The following PLPPR5 variants were observed in gnomAD, a reference collection of about 807,000 sequenced individuals.
PLPPR5 encodes phospholipid phosphatase-related protein type 5.
A neutral mutation model predicts 33.9 loss-of-function variants in PLPPR5; 16 were observed. The observed-to-expected ratio is 0.47, with a 90% confidence interval of 0.32 to 0.72. The LOEUF (loss-of-function observed/expected upper bound fraction) is 0.72. Among genes scored for constraint, PLPPR5 ranks in the 30% least tolerant of loss-of-function variants. PLPPR5 has a pLI of 0.03. For synonymous variants in PLPPR5, 163 were observed against 150.3 expected (o/e 1.08, Z -0.62); for missense variants, 301 against 406.7 (o/e 0.74, Z 2.23).
At chr1:98,947,889 C>T (rs943140542) in intron 3 of PLPPR5, among the ~76,000 whole-genome samples, 2 of 152,186 alleles carry the variant, frequency 1.3e-5, no homozygotes, top group African/African-American at 4.8e-5. Context: ...ATAGCAGATG[C>T]TTCATCAAAT....
chr1:98,974,369 G>C (rs955326575), intron 1 of PLPPR5, among the ~76,000 whole-genome samples: 2 of 152,044 alleles, frequency 1.3e-5, no homozygotes, highest in African/African-American at 4.8e-5. Flanking sequence ...TTTTCACATT[G>C]CCTTTGCCTT....
chr1:98,998,375 T>G (rs1289952546), intron 1 of PLPPR5, among the ~76,000 whole-genome samples: 3 of 152,160 alleles, frequency 2.0e-5, no homozygotes, highest in Non-Finnish European at 1.5e-5. Flanking sequence ...TGTGTGTTAC[T>G]GAGATGAGAC....
intron 1 of PLPPR5, among the ~76,000 whole-genome samples, chr1:98,989,179 T>C (rs1652364788): frequency 6.6e-6 from 1 of 152,092 alleles, no homozygotes; most frequent in African/African-American, 2.4e-5. Flanking sequence ...ACAGCCTATT[T>C]GGTTAAAATG....
In PLPPR5 at chr1:98,960,930, T is replaced by C. The variant is rs190711446; in HGVS notation, c.238-4189A>G. 1.2e-4 allele frequency among the ~76,000 whole-genome samples: 18 copies of C among 152,292 alleles called. No individual in the cohort carries two copies. The East Asian group carries it at 3.5e-3, about 29-fold the overall frequency. ...CTAAGCATGGTGGGAGTGAACCTAA[T>C]CTTCTGAAACATGGGATACCTCCAA... is the stretch of plus-strand genomic sequence containing the variant. On this transcript the variant is annotated intron_variant, in intron 1 of 5. Coordinates refer to ENST00000263177, the MANE Select transcript of PLPPR5 (RefSeq NM_001037317.2).
chr1:98,931,266 T>G (rs1649954785), intron 3 of PLPPR5, among the ~76,000 whole-genome samples: 2 of 151,672 alleles, frequency 1.3e-5, no homozygotes, highest in Non-Finnish European at 2.9e-5. Flanking sequence ...CCTGGTATGG[T>G]TCTTGGCTCA....
intron 5 of PLPPR5, among the ~76,000 whole-genome samples, chr1:98,900,010 C>G (rs1648633527): frequency 6.6e-6 from 1 of 152,080 alleles, no homozygotes; most frequent in South Asian, 2.1e-4. Context: ...ATCCCTTATT[C>G]ATAGCTATAT....
chr1:98,924,623 C>T (rs528902271), intron 3 of PLPPR5, among the ~76,000 whole-genome samples: 63 of 152,270 alleles, frequency 4.1e-4, no homozygotes, highest in African/African-American at 1.2e-3. Flanking sequence ...CCCTCACCCC[C>T]GAAGGCCATC....
At chr1:98,964,028 G>T (rs778500814) in intron 1 of PLPPR5, among the ~76,000 whole-genome samples, 2 of 152,106 alleles carry the variant, frequency 1.3e-5, no homozygotes, top group Admixed American at 6.5e-5. Flanking sequence ...CCTTTATCAA[G>T]AAGGGGTTCT....
chr1:98,941,997 T>TATATATATACACATATACGTATAC (rs1204565078), intron 3 of PLPPR5, among the ~76,000 whole-genome samples: 19 of 150,762 alleles, frequency 1.3e-4, no homozygotes, highest in African/African-American at 3.9e-4. Flanking sequence ...TACGTATATA[T>TATATATATACACATATACGTATAC]ATATATATAT....
intron 2 of PLPPR5, among the ~76,000 whole-genome samples, chr1:98,955,427 T>C (rs1449019684): frequency 6.6e-6 from 1 of 152,106 alleles, no homozygotes; most frequent in Non-Finnish European, 1.5e-5. Context: ...GCATATTGCT[T>C]TTTTTATTAA....
rs759808949 is a variant in PLPPR5, at chr1:98,922,095, G to A, written c.622-37C>T. 4 of 1,590,308 alleles carry A rather than the reference G, an allele frequency of 2.5e-6. No individual in the cohort carries two copies. In the East Asian group the frequency reaches 9.0e-5, roughly 36 times the overall value. ...AATAAAAAAAATGACTTTTCATGAA[G>A]GTATTTCCTTTATTAGCATAGCATA... On this transcript the variant is annotated intron_variant, in intron 3 of 5. Coordinates refer to ENST00000263177, the MANE Select transcript of PLPPR5 (RefSeq NM_001037317.2).
At chr1:98,920,376 ATTT>A (rs1400918453) in intron 4 of PLPPR5, among the ~76,000 whole-genome samples, 1 of 142,180 alleles carries the variant, frequency 7.0e-6, no homozygotes, top group African/African-American at 2.7e-5. Flanking sequence ...TGCCTATACT[ATTT>A]TTTAAGGATT....
intron 1 of PLPPR5, among the ~76,000 whole-genome samples, chr1:99,001,133 C>CTT (rs72190147): frequency 1.7e-4 from 23 of 134,886 alleles, no homozygotes; most frequent in Non-Finnish European, 2.2e-4. Flanking sequence ...GTTCCCAACT[C>CTT]TTTTTTTTTT....
intron 1 of PLPPR5, among the ~76,000 whole-genome samples, chr1:98,988,456 A>C (rs1652337590): frequency 1.3e-5 from 2 of 152,062 alleles, no homozygotes; most frequent in Admixed American, 6.6e-5. Context: ...TGTTTTTAAG[A>C]TTTATTATCA....
chr1:98,959,284 G>C (rs1297880390), intron 1 of PLPPR5, among the ~76,000 whole-genome samples: 1 of 152,154 alleles, frequency 6.6e-6, no homozygotes, highest in Non-Finnish European at 1.5e-5. Context: ...TCTCTTCCCA[G>C]TGGCTTTCTA....
chr1:98,958,371 C>T (rs1651096999), intron 1 of PLPPR5, among the ~76,000 whole-genome samples: 2 of 151,382 alleles, frequency 1.3e-5, no homozygotes, highest in Non-Finnish European at 2.9e-5. Context: ...CACTTTCATC[C>T]TTCTTTCTAC....
chr1:98,920,040 C>A (rs1649488009), intron 4 of PLPPR5, among the ~76,000 whole-genome samples: 1 of 152,054 alleles, frequency 6.6e-6, no homozygotes, highest in Non-Finnish European at 1.5e-5. Flanking sequence ...TTCATGAAGT[C>A]ATTTTCCTGA....
At position 99,003,448 on chromosome 1, in the gene PLPPR5, G is replaced by A. The variant is rs533712477; in HGVS notation, c.237+987C>T. ...TTATCTGTTGAGGGAGAGAGAGAGCGCGCATCACAGGAAGGGAACCTCCAA... is the reference window on the plus strand; with the variant it reads ...TTATCTGTTGAGGGAGAGAGAGAGCACGCATCACAGGAAGGGAACCTCCAA... On this transcript the variant is annotated intron_variant, in intron 1 of 5. Coordinates refer to ENST00000263177, the MANE Select transcript of PLPPR5 (RefSeq NM_001037317.2). 9.9e-5 allele frequency among the ~76,000 whole-genome samples: 15 copies of A among 151,884 alleles called. No homozygotes were observed. In the East Asian group the frequency reaches 1.7e-3, roughly 18 times the overall value.
intron 5 of PLPPR5, among the ~76,000 whole-genome samples, chr1:98,899,360 T>A (rs1648600327): frequency 6.6e-6 from 1 of 152,168 alleles, no homozygotes; most frequent in African/African-American, 2.4e-5. Context: ...TTTTTGCAAG[T>A]GCCACAAGCA....
Sources: allele counts gnomAD v4.1 joint callset (sites outside exome capture counted in the v4.1 genomes callset), GRCh38; gene constraint gnomAD v4.1.1; transcripts MANE v1.5; gene names NCBI Gene and HGNC (gene_info 2026-07-23, HGNC 2026-07-21).